Variants in KLHL2 observed in about 807,000 individuals in gnomAD.
The protein encoded by KLHL2 is kelch like family member 2.
In KLHL2, 15 loss-of-function variants were observed where a neutral mutation model predicts 75.8. The observed-to-expected ratio is 0.20, with a 90% CI of 0.13 to 0.30. KLHL2 has a LOEUF of 0.30. KLHL2 is among the 10% of genes least tolerant of loss of function. The pLI, the probability that KLHL2 is intolerant of heterozygous loss-of-function variation, is 1.00. For missense variants in KLHL2, 381 were observed against 741.0 expected, an observed-to-expected ratio of 0.51 and a Z score of 5.64; for synonymous variants, 214 against 251.9, an observed-to-expected ratio of 0.85 and a Z score of 1.42.
Position 165,223,433 on chromosome 4 carries a change from G to C in KLHL2, c.152+3374G>C, listed in dbSNP as rs535485534. 3.3e-3 allele frequency among the ~76,000 whole-genome samples: 506 copies of C among 152,324 alleles called. 4 individuals carry two copies. Among genetic ancestry groups the C allele is most frequent in the African/African-American group, 0.011 (459 of 41,564 alleles). ...TCAGTTGGGCCTTGATGGGAGTGCA[G>C]CAGGATTCACTGAGGGGATGGAGTG... On this transcript the variant is annotated intron_variant, in intron 2 of 14. Coordinates refer to ENST00000226725, the MANE Select transcript of KLHL2 (RefSeq NM_007246.4).
chr4:165,208,471 G>A (rs892931655), intron 1 of KLHL2: 1 of 152,104 alleles, frequency 6.6e-6, no homozygotes, highest in African/African-American at 2.4e-5. Flanking sequence ...CCAGAAATCA[G>A]CATCTTCTGT....
intron 3 of KLHL2, among the ~76,000 whole-genome samples, chr4:165,236,239 A>G (rs565435533): frequency 6.6e-6 from 1 of 152,364 alleles, no homozygotes; most frequent in Admixed American, 6.5e-5. Context: ...TATGGATAGC[A>G]TAATGTAGCT....
At chr4:165,251,917 G>T (rs1300075440) in intron 4 of KLHL2, among the ~76,000 whole-genome samples, 1 of 152,170 alleles carries the variant, frequency 6.6e-6, no homozygotes, top group East Asian at 1.9e-4. Context: ...CCCCAAAGTG[G>T]TTTTTAAAAA....
intron 4 of KLHL2, 87 bp downstream of exon 4, chr4:165,238,986 C>T: frequency 6.7e-7 from 1 of 1,489,838 alleles, no homozygotes; most frequent in Non-Finnish European, 8.9e-7. Context: ...ATACAATTTG[C>T]ACCAAAATAA....
chr4:165,300,847 C>T (rs1379115303), intron 8 of KLHL2, among the ~76,000 whole-genome samples: 1 of 152,140 alleles, frequency 6.6e-6, no homozygotes, highest in African/African-American at 2.4e-5. Context: ...TCTGTCCTTT[C>T]CATTGAATTG....
Position 165,257,957 on chromosome 4 carries a change from A to G in KLHL2, c.382-5240A>G, listed in dbSNP as rs373983573. 4.6e-5 allele frequency among the ~76,000 whole-genome samples: 7 copies of G among 152,146 alleles called. No individual in the cohort carries two copies. In the East Asian group the frequency reaches 1.4e-3, roughly 29 times the overall value. The stretch of plus-strand genomic sequence containing the variant: ...TAGTGACTTGAAAGGGACTGAGCCC[A>G]TGGTGAGAACACCAGGGTTCTCATG... On this transcript the variant is annotated intron_variant, in intron 4 of 14. Transcript: ENST00000226725.
chr4:165,239,264 C>CCT (rs1560997161), intron 4 of KLHL2, among the ~76,000 whole-genome samples: 8 of 134,840 alleles, frequency 5.9e-5, no homozygotes, highest in East Asian at 2.1e-4. Context: ...TTATTTCTGT[C>CCT]TTTTTTTTTT....
chr4:165,215,584 T>C (rs1737482713), intron 1 of KLHL2, among the ~76,000 whole-genome samples: 1 of 152,182 alleles, frequency 6.6e-6, no homozygotes, highest in East Asian at 1.9e-4. Context: ...AGGGGAGTCT[T>C]GCAGCTTTTG....
intron 14 of KLHL2, among the ~76,000 whole-genome samples, chr4:165,320,048 C>T (rs1303668051): frequency 6.6e-6 from 1 of 152,168 alleles, no homozygotes; most frequent in Non-Finnish European, 1.5e-5. Context: ...CAGGAGAACA[C>T]TTCTGTCAAC....
chr4:165,301,518 A>T (rs980391818), intron 8 of KLHL2, among the ~76,000 whole-genome samples: 3 of 152,168 alleles, frequency 2.0e-5, no homozygotes. Flanking sequence ...TGCTGATTTT[A>T]TATGTGTTTA....
chr4:165,273,008 T>G (rs1428327934), intron 5 of KLHL2, among the ~76,000 whole-genome samples: 2 of 152,214 alleles, frequency 1.3e-5, no homozygotes, highest in Non-Finnish European at 2.9e-5. Context: ...GAATCTTGTA[T>G]TTGCTTGAGT....
At chr4:165,277,518 A>C (rs1743221031) in intron 5 of KLHL2, among the ~76,000 whole-genome samples, 1 of 152,216 alleles carries the variant, frequency 6.6e-6, no homozygotes, top group South Asian at 2.1e-4. Context: ...ATCTGTTAAA[A>C]GCGAAGAGCT....
At chr4:165,318,002 A>G in intron 14 of KLHL2, 33 bp downstream of exon 14, 3 of 1,600,060 alleles carry the variant, frequency 1.9e-6, no homozygotes, top group Non-Finnish European at 2.6e-6. Flanking sequence ...ATTTCCGTAC[A>G]AAAAGATGAC....
chr4:165,264,748 A>G lies in KLHL2; in HGVS notation c.544+1389A>G, dbSNP rs531219593. Among the ~76,000 whole-genome samples the G allele has an allele frequency of 3.3e-4, 25 of 76,030 alleles. 1 individual carries two copies. Among genetic ancestry groups the G allele is most frequent in the Middle Eastern group, 5.7e-3 (1 of 176 alleles). 49.9% of individuals were successfully genotyped at this position (76,030 alleles called of 152,430 possible). ...TATATATATATATATATGTATATAT[A>G]TATATATATATATATATAAAACATT... On this transcript the variant is annotated intron_variant, in intron 5 of 14. Transcript: ENST00000226725.
intron 3 of KLHL2, among the ~76,000 whole-genome samples, chr4:165,232,426 C>CA (rs1314917182): frequency 0.013 from 1,049 of 81,294 alleles, 8 homozygotes; most frequent in African/African-American, 0.036. Flanking sequence ...GACTCTGTCT[C>CA]AAAAAAAAAA....
At chr4:165,228,371 A>ATT (rs113698961) in intron 2 of KLHL2, among the ~76,000 whole-genome samples, 12,197 of 143,960 alleles carry the variant, frequency 0.085, 533 homozygotes, top group Middle Eastern at 0.11. Context: ...GTCTTTTAAG[A>ATT]TTTTTTTTTT....
intron 4 of KLHL2, among the ~76,000 whole-genome samples, chr4:165,241,458 C>G (rs977661248): frequency 6.6e-6 from 1 of 151,898 alleles, no homozygotes; most frequent in Admixed American, 6.6e-5. Context: ...TAACTGGAAG[C>G]CATGCTCTGA....
At chr4:165,263,967 T>C (rs1741938207) in intron 5 of KLHL2, among the ~76,000 whole-genome samples, 1 of 152,022 alleles carries the variant, frequency 6.6e-6, no homozygotes, top group African/African-American at 2.4e-5. Flanking sequence ...CTGCTACTGC[T>C]GGCATTTCCC....
chr4:165,230,892 T>C (rs1265386483), intron 3 of KLHL2, among the ~76,000 whole-genome samples: 16 of 152,384 alleles, frequency 1.0e-4, no homozygotes, highest in Admixed American at 9.8e-4. Flanking sequence ...CTTTGCCTAA[T>C]GAAGGGAATG....
Sources: gnomAD v4.1 joint callset for allele counts (sites outside exome capture counted in the v4.1 genomes callset) on GRCh38, gnomAD v4.1.1 for gene constraint, MANE v1.5 for transcripts, NCBI Gene and HGNC (gene_info 2026-07-23, HGNC 2026-07-21) for gene names.